The following TNNI3K variants were observed in gnomAD, a reference collection of about 807,000 sequenced individuals.
TNNI3K encodes the protein serine/threonine-protein kinase TNNI3K.
In TNNI3K, 140 loss-of-function variants were observed where a neutral mutation model predicts 114.5. That is an observed-to-expected ratio of 1.22 (90% CI 1.07 to 1.41). The LOEUF is 1.41. TNNI3K is among the 40% of genes most tolerant of loss of function. The pLI is 0.00. For synonymous variants in TNNI3K, 347 were observed against 347.5 expected (o/e 1.00, Z 0.02); for missense variants, 1,125 against 1,007.6 (o/e 1.12, Z -1.58).
At chr1:74,463,290 C>A in intron 20 of TNNI3K, 151 bp from the exon 21 acceptor site, 1 of 734,976 alleles carries the variant, frequency 1.4e-6, no homozygotes, top group Non-Finnish European at 2.3e-6. Flanking sequence ...TTTCTTTAGA[C>A]CATTGGGGGA....
At chr1:74,465,537 C>T (rs915312696) in intron 21 of TNNI3K, among the ~76,000 whole-genome samples, 8 of 148,050 alleles carry the variant, frequency 5.4e-5, no homozygotes, top group Admixed American at 1.3e-4. Flanking sequence ...TGCCCGAGTC[C>T]CCCCCCAACC....
At chr1:74,258,389 A>G (rs1434377894) in intron 4 of TNNI3K, among the ~76,000 whole-genome samples, 1 of 152,138 alleles carries the variant, frequency 6.6e-6, no homozygotes, top group Admixed American at 6.5e-5. Context: ...TGTGGCAGAA[A>G]AGTATTTCAG....
At chr1:74,409,478 T>G (rs1478915735) in intron 17 of TNNI3K, among the ~76,000 whole-genome samples, 2 of 151,580 alleles carry the variant, frequency 1.3e-5, no homozygotes, top group Admixed American at 1.3e-4. Context: ...AACTATTTTA[T>G]TTTCTATTTG....
chr1:74,299,812 C>A (rs1658208313), intron 5 of TNNI3K, among the ~76,000 whole-genome samples: 1 of 152,056 alleles, frequency 6.6e-6, no homozygotes, highest in South Asian at 2.1e-4. Context: ...AAGAGACAGG[C>A]AGTGGCTCTT....
intron 17 of TNNI3K, among the ~76,000 whole-genome samples, chr1:74,415,726 A>C (rs1178958704): frequency 1.3e-5 from 2 of 149,246 alleles, no homozygotes; most frequent in Non-Finnish European, 3.0e-5. Flanking sequence ...TATATAGACT[A>C]AATTTTCTTT....
intron 11 of TNNI3K, among the ~76,000 whole-genome samples, chr1:74,365,950 CT>C (rs770319178): frequency 0.011 from 1,505 of 143,084 alleles, 15 homozygotes; most frequent in African/African-American, 0.021. Context: ...AATCACAATG[CT>C]TTTTTTTTTT....
At chr1:74,446,568 G>T (rs1087087) in intron 20 of TNNI3K, among the ~76,000 whole-genome samples, 134,339 of 145,314 alleles carry the variant, frequency 0.92, 62,218 homozygotes, top group East Asian at 0.97. Context: ...GTCAATTTTG[G>T]CTTTTGTTGC....
intron 17 of TNNI3K, among the ~76,000 whole-genome samples, chr1:74,390,170 G>A (rs915670217): frequency 6.6e-6 from 1 of 152,106 alleles, no homozygotes; most frequent in Non-Finnish European, 1.5e-5. Flanking sequence ...CTTTAATTCA[G>A]TGTTTTCCTA....
chr1:74,360,253 T>A, intron 11 of TNNI3K, among the ~76,000 whole-genome samples: 1 of 151,946 alleles, frequency 6.6e-6, no homozygotes, highest in East Asian at 1.9e-4. Context: ...AAGGCCGTAT[T>A]ATTCCCCAGT....
At chr1:74,471,840 T>G in intron 21 of TNNI3K, 1 of 454,358 alleles carries the variant, frequency 2.2e-6, no homozygotes, top group Non-Finnish European at 3.9e-6. Context: ...TTGAGTGTTG[T>G]CTACGATTTG....
In TNNI3K at chr1:74,250,725, C is replaced by G. The variant is rs1452380676; in HGVS notation, c.289C>G (p.Leu97Val). 1 of 1,613,320 alleles carries G rather than the reference C, an allele frequency of 6.2e-7. No individual in the cohort carries two copies. Among genetic ancestry groups the G allele is most frequent in the South Asian group, 1.1e-5 (1 of 90,916 alleles). Residue 97 changes from leucine to valine, a missense_variant, in exon 4 of 25, where the codon CTG becomes GTG. Physicochemically the swap from Leu to Val is conservative, Grantham distance 32. Coordinates refer to ENST00000326637, the MANE Select transcript of TNNI3K (RefSeq NM_015978.3). ...GTTGAAAGGGCTCCGCCCATCTCGA[C>G]TGACAAGAAATGGATTTACAGCCTT... is the stretch of plus-strand genomic sequence containing the variant. ...LMLKGLRPSR[L>V]TRNGFTALHL... is the part of the protein sequence containing the mutation.
At chr1:74,236,057 G>T in intron 1 of TNNI3K, 45 bp from the exon 2 acceptor site, 1 of 1,515,034 alleles carries the variant, frequency 6.6e-7, no homozygotes, top group Non-Finnish European at 9.0e-7. Context: ...TCTACATTTT[G>T]CAAAACACAA....
rs185067217 is a variant in TNNI3K, at chr1:74,425,917, T to C, written c.1773-10163T>C. On this transcript the variant is annotated intron_variant, in intron 17 of 24. Transcript: ENST00000326637. ...CTTCCATTCCTGTGACTAATACTTC[T>C]AGCTCACAGGGATAGACTGTCTGGT... Among the ~76,000 whole-genome samples the C allele has an allele frequency of 3.0e-4, 45 of 152,112 alleles. No individual in the cohort carries two copies. In the East Asian group the frequency reaches 8.2e-3, roughly 28 times the overall value.
chr1:74,276,970 G>A (rs2100236122), intron 5 of TNNI3K, among the ~76,000 whole-genome samples: 1 of 152,180 alleles, frequency 6.6e-6, no homozygotes, highest in East Asian at 1.9e-4. Context: ...ACTTCTCTTT[G>A]ACTGATACAT....
At chr1:74,416,631 T>A (rs1374395559) in intron 17 of TNNI3K, 5 of 873,322 alleles carry the variant, frequency 5.7e-6, no homozygotes, top group Non-Finnish European at 6.9e-6. Context: ...TATTTTCCAG[T>A]GTAATTGAAA....
intron 17 of TNNI3K, among the ~76,000 whole-genome samples, chr1:74,386,806 A>C (rs889752950): frequency 6.6e-6 from 1 of 152,164 alleles, no homozygotes; most frequent in Non-Finnish European, 1.5e-5. Context: ...TTCAAAATAA[A>C]CATGATGAAG....
intron 17 of TNNI3K, among the ~76,000 whole-genome samples, chr1:74,399,968 G>T (rs1000936995): frequency 1.1e-4 from 16 of 152,186 alleles, no homozygotes; most frequent in Admixed American, 1.0e-3. Flanking sequence ...CCTGAAACAG[G>T]TCGCTATTGG....
intron 4 of TNNI3K, among the ~76,000 whole-genome samples, chr1:74,264,480 T>C (rs1484348333): frequency 6.6e-6 from 1 of 152,024 alleles, no homozygotes; most frequent in Non-Finnish European, 1.5e-5. Flanking sequence ...CCAAAATTAC[T>C]TTTCTAAAAA....
chr1:74,477,329 G>A (rs1668253225), intron 21 of TNNI3K, among the ~76,000 whole-genome samples: 1 of 151,666 alleles, frequency 6.6e-6, no homozygotes, highest in South Asian at 2.1e-4. Flanking sequence ...TACTACCCAG[G>A]GATTAAATAA....
Sources: allele counts gnomAD v4.1 joint callset (sites outside exome capture counted in the v4.1 genomes callset), GRCh38; gene constraint gnomAD v4.1.1; transcripts MANE v1.5; gene names NCBI Gene and HGNC (gene_info 2026-07-23, HGNC 2026-07-21).